The following ZDHHC21 variants were observed in gnomAD, a reference collection of about 807,000 sequenced individuals.
ZDHHC21 encodes zDHHC palmitoyltransferase 21, also known as palmitoyltransferase ZDHHC21.
A neutral mutation model predicts 34.6 loss-of-function variants in ZDHHC21; 15 were observed. That is an observed-to-expected ratio of 0.43 (90% CI 0.29 to 0.67). The LOEUF (loss-of-function observed/expected upper bound fraction) is 0.67, where lower values mean the gene tolerates loss of function less well. ZDHHC21 is among the 30% of genes least tolerant of loss of function. ZDHHC21 has a pLI of 0.14. For synonymous variants in ZDHHC21, 142 were observed against 101.8 expected, an observed-to-expected ratio of 1.40 and a Z score of -2.38; for missense variants, 344 against 327.7, an observed-to-expected ratio of 1.05 and a Z score of -0.38.
chr9:14,610,812 T>C (rs536984262), downstream of ZDHHC21, among the ~76,000 whole-genome samples: 2 of 152,090 alleles, frequency 1.3e-5, no homozygotes, highest in African/African-American at 2.4e-5. Flanking sequence ...TCCAGCCATC[T>C]GCGTCATCTC....
chr9:14,630,705 G>A (rs757868415), intron 8 of ZDHHC21, among the ~76,000 whole-genome samples: 6 of 152,166 alleles, frequency 3.9e-5, no homozygotes, highest in Non-Finnish European at 8.8e-5. Context: ...CTTGATCCAT[G>A]GCATGCATAA....
At chr9:14,656,364 T>C (rs1025798363) in intron 7 of ZDHHC21, among the ~76,000 whole-genome samples, 2 of 151,942 alleles carry the variant, frequency 1.3e-5, no homozygotes, top group Non-Finnish European at 2.9e-5. Flanking sequence ...TGTCTGTCTT[T>C]TCTTACAATG....
chr9:14,599,512 A>G, the ZDHHC21 span, among the ~76,000 whole-genome samples: 3 of 151,862 alleles, frequency 2.0e-5, no homozygotes, highest in African/African-American at 7.3e-5. Context: ...AAGCACAGAA[A>G]TGGATGGCTG....
chr9:14,619,200 T>C (rs1824817076), intron 9 of ZDHHC21, 102 bp from the exon 10 acceptor site: 4 of 1,265,222 alleles, frequency 3.2e-6, no homozygotes, highest in Non-Finnish European at 3.2e-6. Flanking sequence ...TGGACTCTGA[T>C]GAATTGTGTC....
downstream of ZDHHC21, among the ~76,000 whole-genome samples, chr9:14,608,209 C>T (rs1281062638): frequency 1.3e-5 from 2 of 152,148 alleles, no homozygotes; most frequent in African/African-American, 2.4e-5. Flanking sequence ...GTCCTGACTT[C>T]AGCTAGGATT....
chr9:14,686,370 G>A (rs1383137048), intron 2 of ZDHHC21, among the ~76,000 whole-genome samples: 1 of 152,142 alleles, frequency 6.6e-6, no homozygotes, highest in Non-Finnish European at 1.5e-5. Flanking sequence ...TCTAGGTGAA[G>A]GGTGGAACCA....
chr9:14,591,563 G>A, the ZDHHC21 span, among the ~76,000 whole-genome samples: 1 of 152,138 alleles, frequency 6.6e-6, no homozygotes, highest in African/African-American at 2.4e-5. Flanking sequence ...ACAGCAAGAT[G>A]ACAGACTTAA....
intron 5 of ZDHHC21, 144 bp from the exon 6 acceptor site, chr9:14,662,470 T>C (rs1166715506): frequency 5.1e-6 from 3 of 582,774 alleles, no homozygotes; most frequent in Non-Finnish European, 8.9e-6. Context: ...TATAAATGTG[T>C]TTGCCATAAA....
downstream of ZDHHC21, among the ~76,000 whole-genome samples, chr9:14,609,734 T>G (rs1427441861): frequency 1.3e-5 from 2 of 152,070 alleles, no homozygotes; most frequent in African/African-American, 4.8e-5. Context: ...ACCAGTGGAT[T>G]TTAAGAACAC....
intron 2 of ZDHHC21, among the ~76,000 whole-genome samples, chr9:14,680,831 C>T (rs922317454): frequency 2.0e-5 from 3 of 152,022 alleles, no homozygotes; most frequent in Non-Finnish European, 4.4e-5. Context: ...AGACAGAGAG[C>T]AAGGGGACAA....
At chr9:14,651,819 T>C (rs1429867954) in intron 7 of ZDHHC21, among the ~76,000 whole-genome samples, 1 of 151,906 alleles carries the variant, frequency 6.6e-6, no homozygotes. Context: ...TTAAAGTAAC[T>C]ATGTGAAATA....
the ZDHHC21 span, among the ~76,000 whole-genome samples, chr9:14,592,167 C>G: frequency 7.5e-4 from 114 of 152,066 alleles, no homozygotes; most frequent in African/African-American, 2.5e-3. Context: ...TTTAGTGTAA[C>G]ATTTTAATTC....
chr9:14,594,927 G>A, the ZDHHC21 span, among the ~76,000 whole-genome samples: 484 of 152,154 alleles, frequency 3.2e-3, no homozygotes, highest in African/African-American at 0.011. Flanking sequence ...ATAAAAATAC[G>A]TTCAACATCA....
At chr9:14,674,432 G>C in intron 3 of ZDHHC21, 47 bp from the exon 4 acceptor site, 5 of 1,288,380 alleles carry the variant, frequency 3.9e-6, no homozygotes, top group Non-Finnish European at 5.3e-6. Context: ...AGAAAAATTT[G>C]ACTAAAACCT....
intron 5 of ZDHHC21, among the ~76,000 whole-genome samples, chr9:14,662,858 G>C (rs1187403540): frequency 6.6e-6 from 1 of 152,104 alleles, no homozygotes; most frequent in Non-Finnish European, 1.5e-5. Context: ...AAAAACATCA[G>C]TAGATTCATT....
In ZDHHC21 at chr9:14,693,280, C is replaced by T. The variant is rs1377110042; in HGVS notation, c.-276G>A. 2 of 419,374 alleles carry T rather than the reference C, an allele frequency of 4.8e-6. No homozygotes were observed. Among genetic ancestry groups the T allele is most frequent in the Non-Finnish European group, 9.4e-6 (2 of 212,626 alleles). The allele number at this position is 419,374 out of a possible 1,614,324, so 26.0% of individuals were successfully genotyped here. On this transcript the variant is annotated 5_prime_UTR_variant, in exon 1 of 10. Transcript: ENST00000380916. ...CCGCCGCTCTCCCGACCGCCAGCAG[C>T]TCTTTCCCCTCCTCCTGCCGCGCCA...
At chr9:14,602,043 T>A in the ZDHHC21 span, among the ~76,000 whole-genome samples, 1 of 151,984 alleles carries the variant, frequency 6.6e-6, no homozygotes, top group African/African-American at 2.4e-5. Flanking sequence ...AAATACCTAA[T>A]GTAGGTGACG....
chr9:14,655,387 G>A (rs1056889285), intron 7 of ZDHHC21, among the ~76,000 whole-genome samples: 1 of 151,790 alleles, frequency 6.6e-6, no homozygotes, highest in African/African-American at 2.4e-5. Flanking sequence ...GGTATAAAGA[G>A]TACTAGAAAA....
At chr9:14,639,679 A>C (rs1203951905) in intron 8 of ZDHHC21, among the ~76,000 whole-genome samples, 1 of 152,086 alleles carries the variant, frequency 6.6e-6, no homozygotes, top group East Asian at 1.9e-4. Context: ...AGTCATATAA[A>C]AACACTGTAT....
Sources: gnomAD v4.1 joint callset for allele counts (sites outside exome capture counted in the v4.1 genomes callset) on GRCh38, gnomAD v4.1.1 for gene constraint, MANE v1.5 for transcripts, NCBI Gene and HGNC (gene_info 2026-07-23, HGNC 2026-07-21) for gene names.